BEND3: variants seen among roughly 807,000 people sequenced by gnomAD.
The protein encoded by BEND3 is BEN domain containing 3.
A neutral mutation model predicts 60.1 loss-of-function variants in BEND3; 13 were observed. That is an observed-to-expected ratio of 0.22 (90% confidence interval 0.14 to 0.34). The LOEUF (loss-of-function observed/expected upper bound fraction) is 0.34, where lower values mean the gene tolerates loss of function less well. BEND3 is among the 10% of genes least tolerant of loss of function. The pLI is 1.00. For synonymous variants in BEND3, 497 were observed against 491.5 expected (o/e 1.01, Z -0.15); for missense variants, 896 against 1,138.1 (o/e 0.79, Z 3.06).
chr6:107,080,176 T>G (rs1775195899), intron 3 of BEND3, among the ~76,000 whole-genome samples: 1 of 151,318 alleles, frequency 6.6e-6, no homozygotes, highest in Non-Finnish European at 1.5e-5. Flanking sequence ...GTGGGCAGAT[T>G]GCTTGAGCCC....
intron 3 of BEND3, among the ~76,000 whole-genome samples, chr6:107,093,637 G>T (rs1444082032): frequency 6.6e-6 from 1 of 152,174 alleles, no homozygotes; most frequent in African/African-American, 2.4e-5. Flanking sequence ...GAAGCAATAC[G>T]ATGGAACACA....
chr6:107,068,410 G>T lies in BEND3; in HGVS notation c.*294C>A. The T allele has an allele frequency of 3.0e-6, 1 of 338,704 alleles. No homozygotes were observed. Among genetic ancestry groups the T allele is most frequent in the Non-Finnish European group, 5.3e-6 (1 of 187,284 alleles). The allele number at this position is 338,704 out of a possible 1,614,324, so 21.0% of individuals were successfully genotyped here. ...TGAGGGGCTGGGGAGGGCACAACCA[G>T]GGAGAGAGGACCCCTAACCTCTGGT... On this transcript the variant is annotated 3_prime_UTR_variant, in exon 4 of 4. Transcript: ENST00000369042. This position sits in a 1 kb window ranked among gnomAD's most constrained non-coding sequence, Gnocchi z 5.8.
At chr6:107,113,693 C>A (rs1770176508) in intron 1 of BEND3, among the ~76,000 whole-genome samples, 1 of 152,056 alleles carries the variant, frequency 6.6e-6, no homozygotes, top group African/African-American at 2.4e-5. Flanking sequence ...TGCCCAAGTC[C>A]CAGTACCGAG....
chr6:107,083,718 T>C (rs1210312180), intron 3 of BEND3, among the ~76,000 whole-genome samples: 1 of 151,840 alleles, frequency 6.6e-6, no homozygotes, highest in Non-Finnish European at 1.5e-5. Context: ...TTAAATAATG[T>C]CTCGTTCAAG....
intron 1 of BEND3, among the ~76,000 whole-genome samples, chr6:107,109,110 G>A (rs1775883967): frequency 6.6e-6 from 1 of 151,994 alleles, no homozygotes; most frequent in African/African-American, 2.4e-5. Context: ...CCAGCCAAGA[G>A]GGCTGACTTT....
chr6:107,070,855 C>G lies in BEND3; in HGVS notation c.336G>C (p.Trp112Cys). The G allele has an allele frequency of 6.2e-7, 1 of 1,613,960 alleles. No individual in the cohort carries two copies. Among genetic ancestry groups the G allele is most frequent in the South Asian group, 1.1e-5 (1 of 91,088 alleles). Reference protein sequence around the residue: ...AGRGRSLGNVWPGEEEPCNDA... With the variant: ...AGRGRSLGNVCPGEEEPCNDA... ...CGTTGCAGGGCTCCTCCTCTCCAGG[C>G]CACACATTGCCCAGGCTCCTGCCCC... The change falls in exon 4 of 4, where the codon TGG (tryptophan) becomes TGC (cysteine). Residue 112 changes from tryptophan to cysteine, a missense_variant. This residue lies in a region of BEND3 where 846 missense variants were observed against 1,036.7 expected (regional missense o/e 0.82). Coordinates refer to ENST00000369042, the MANE Select transcript of BEND3 (RefSeq NM_001367314.1). This position sits in a 1 kb window ranked among gnomAD's most constrained non-coding sequence, Gnocchi z 6.9.
intron 1 of BEND3, among the ~76,000 whole-genome samples, chr6:107,111,106 A>C (rs532187951): frequency 6.6e-6 from 1 of 152,236 alleles, no homozygotes; most frequent in South Asian, 2.1e-4. Flanking sequence ...CAGTGGTTGC[A>C]ATGGGCCTAG....
intron 3 of BEND3, among the ~76,000 whole-genome samples, chr6:107,080,957 T>C (rs1157662275): frequency 1.3e-5 from 2 of 152,176 alleles, no homozygotes; most frequent in African/African-American, 2.4e-5. Flanking sequence ...CATCAGCTTA[T>C]ACAAATTTAT....
chr6:107,072,998 A>G (rs1370908447), intron 3 of BEND3, among the ~76,000 whole-genome samples: 1 of 151,652 alleles, frequency 6.6e-6, no homozygotes, highest in Non-Finnish European at 1.5e-5. Context: ...AATAATAATT[A>G]ATAAATTACT....
intron 2 of BEND3, among the ~76,000 whole-genome samples, chr6:107,099,016 G>C (rs561840336): frequency 1.3e-5 from 2 of 152,148 alleles, no homozygotes; most frequent in Non-Finnish European, 2.9e-5. Context: ...ACAGTGGAAG[G>C]AGAGACATAA....
chr6:107,103,720 G>A (rs2354558), intron 1 of BEND3, among the ~76,000 whole-genome samples: 72,391 of 151,978 alleles, frequency 0.48, 17,515 homozygotes, highest in Middle Eastern at 0.69. Flanking sequence ...AGGCCAAGGC[G>A]GGCGGATCAC....
rs911665395 is a variant in BEND3, at chr6:107,067,185, C to A, written c.*1519G>T. The A allele has an allele frequency of 6.6e-6, 1 of 152,112 alleles. No homozygotes were observed. Among genetic ancestry groups the A allele is most frequent in the Admixed American group, 6.5e-5 (1 of 15,270 alleles). 9.4% of individuals were successfully genotyped at this position (152,112 alleles called of 1,614,324 possible). ...TTCTTATCAGCTGAATGAAGAAAATCCAGATTGTTTCTGTTATCTCTGCAT... is the reference window on the plus strand; with the variant it reads ...TTCTTATCAGCTGAATGAAGAAAATACAGATTGTTTCTGTTATCTCTGCAT... On this transcript the variant is annotated 3_prime_UTR_variant, in exon 4 of 4. Transcript: ENST00000369042.
intron 1 of BEND3, among the ~76,000 whole-genome samples, chr6:107,101,007 G>A (rs749837073): frequency 6.6e-6 from 1 of 152,146 alleles, no homozygotes; most frequent in Non-Finnish European, 1.5e-5. Flanking sequence ...TTCAACACCA[G>A]CCTGGCCAAC....
rs1554231432 is a variant in BEND3 at position 107,069,362 on chromosome 6, C to T, written c.1829G>A (p.Arg610His). 6.2e-7 allele frequency: 1 copy of T among 1,612,258 alleles called. No homozygotes were observed. The highest frequency in any genetic ancestry group is 1.3e-5 in the African/African-American group (1 of 75,046). ...SLGKKQLDPS[R>H]IKLIRHYVQL... ...CACGTAGTGGCGGATGAGCTTGATG[C>T]GGGAGGGGTCCAGCTGCTTCTTGCC... The change falls in exon 4 of 4, where the codon CGC (arginine) becomes CAC (histidine). Residue 610 changes from arginine (R) to histidine (H), a missense_variant. Transcript: ENST00000369042.
intron 2 of BEND3, 77 bp downstream of exon 2, chr6:107,099,172 T>A: frequency 8.3e-7 from 1 of 1,210,006 alleles, no homozygotes; most frequent in South Asian, 1.3e-5. Flanking sequence ...TTGTATATTT[T>A]TGGACCATGT....
chr6:107,082,000 T>C lies in BEND3; in HGVS notation c.241-11050A>G, dbSNP rs1775244724. Among the ~76,000 whole-genome samples the C allele has an allele frequency of 2.0e-5, 3 of 152,232 alleles. No individual in the cohort carries two copies. In the South Asian group the frequency reaches 6.2e-4, roughly 32 times the overall value. ...GACACAACTTGTTGGGAGAGCTTGC[T>C]GCTCCCTGTTTATAACAATAGCCAC... On this transcript the variant is annotated intron_variant, in intron 3 of 3. Coordinates refer to ENST00000369042, the MANE Select transcript of BEND3 (RefSeq NM_001367314.1).
chr6:107,099,428 C>A, intron 1 of BEND3, 132 bp from the exon 2 acceptor site: 1 of 723,566 alleles, frequency 1.4e-6, no homozygotes, highest in Non-Finnish European at 2.3e-6. Context: ...ACTGTGGAAG[C>A]TATGTGTCCT....
At chr6:107,102,436 T>C (rs1283040188) in intron 1 of BEND3, among the ~76,000 whole-genome samples, 1 of 152,170 alleles carries the variant, frequency 6.6e-6, no homozygotes, top group Non-Finnish European at 1.5e-5. Context: ...TATAAAGTGA[T>C]GAAGGAAGAG....
At chr6:107,114,921 G>T (rs1198816173) in intron 1 of BEND3, among the ~76,000 whole-genome samples, 169 bp downstream of exon 1, 3 of 149,306 alleles carry the variant, frequency 2.0e-5, no homozygotes, top group African/African-American at 7.3e-5. Context: ...CCGCGCGGGG[G>T]TGGGCGCTAC....
Sources: allele counts gnomAD v4.1 joint callset (sites outside exome capture counted in the v4.1 genomes callset), GRCh38; gene constraint gnomAD v4.1.1; regional missense constraint gnomAD v4.1.1; non-coding constraint Gnocchi (gnomAD v3.1); transcripts MANE v1.5; gene names NCBI Gene and HGNC (gene_info 2026-07-23, HGNC 2026-07-21).